ALMS1: variants seen among roughly 807,000 people sequenced by gnomAD.
The protein encoded by ALMS1 is centrosome-associated protein ALMS1.
In ALMS1, 271 loss-of-function variants were observed where a neutral mutation model predicts 352.2. That is an observed-to-expected ratio of 0.77 (90% CI 0.70 to 0.85). The LOEUF (loss-of-function observed/expected upper bound fraction) is 0.85, where lower values mean the gene tolerates loss of function less well. ALMS1 is among the 40% of genes least tolerant of loss of function. The probability of loss-of-function intolerance (pLI) is 0.00; values close to 1 mark genes in which losing one functional copy is unlikely to be tolerated. For missense variants in ALMS1, 5,445 were observed against 4,870.7 expected (o/e 1.12, Z -3.51); for synonymous variants, 1,865 against 1,761.2 (o/e 1.06, Z -1.48).
chr2:73,591,180 A>C (rs1460302098), intron 16 of ALMS1, among the ~76,000 whole-genome samples: 1 of 152,012 alleles, frequency 6.6e-6, no homozygotes, highest in Non-Finnish European at 1.5e-5. Context: ...GTATTTCTTT[A>C]TTTCTGTGTT....
At chr2:73,548,087 G>A (rs7597166) in intron 12 of ALMS1, among the ~76,000 whole-genome samples, 7,100 of 152,136 alleles carry the variant, frequency 0.047, 537 homozygotes, top group African/African-American at 0.16. Context: ...TGTCTGCTTT[G>A]GACATGTTAA....
At chr2:73,434,546 ATG>A (rs1470772612) in intron 7 of ALMS1, among the ~76,000 whole-genome samples, 10 of 152,196 alleles carry the variant, frequency 6.6e-5, no homozygotes, top group African/African-American at 2.4e-4. Flanking sequence ...CTTGAGAAGA[ATG>A]TGTATTCTGC....
At chr2:73,386,237 G>A in intron 1 of ALMS1, 45 bp downstream of exon 1, 1 of 1,463,994 alleles carries the variant, frequency 6.8e-7, no homozygotes, top group Middle Eastern at 2.2e-4. Context: ...CGAGTTGGGG[G>A]TGGAGGCTGG....
intron 10 of ALMS1, among the ~76,000 whole-genome samples, chr2:73,512,608 T>C (rs991890583): frequency 6.6e-6 from 1 of 152,182 alleles, no homozygotes; most frequent in Non-Finnish European, 1.5e-5. Flanking sequence ...ACAAATTCTT[T>C]ATTAGATTTC....
chr2:73,470,717 C>T (rs10186501), intron 9 of ALMS1: 58,074 of 151,610 alleles, frequency 0.38, 15,410 homozygotes, highest in African/African-American at 0.76. Context: ...ACATCTTCTA[C>T]TGTATTGCTA....
intron 16 of ALMS1, 116 bp downstream of exon 16, chr2:73,573,540 T>C: frequency 9.6e-7 from 1 of 1,043,168 alleles, no homozygotes; most frequent in Admixed American, 2.0e-5. Context: ...TCTATACCAT[T>C]TCTTACCAAC....
At chr2:73,412,169 C>T (rs570215923) in intron 2 of ALMS1, among the ~76,000 whole-genome samples, 25 of 152,292 alleles carry the variant, frequency 1.6e-4, no homozygotes, top group South Asian at 6.2e-4. Context: ...GTCATGCAGT[C>T]ACCACCACAT....
intron 15 of ALMS1, among the ~76,000 whole-genome samples, chr2:73,561,176 A>G (rs947463828): frequency 6.6e-6 from 1 of 152,268 alleles, no homozygotes; most frequent in Non-Finnish European, 1.5e-5. Flanking sequence ...CATAACCTTC[A>G]CTATGGTGCC....
chr2:73,601,119 A>G, intron 18 of ALMS1, 76 bp from the exon 19 acceptor site: 1 of 1,605,646 alleles, frequency 6.2e-7, no homozygotes. Flanking sequence ...TATTATATGC[A>G]TATCCTGGAT....
At chr2:73,589,565 A>G (rs1675380944) in intron 16 of ALMS1, among the ~76,000 whole-genome samples, 1 of 152,172 alleles carries the variant, frequency 6.6e-6, no homozygotes, top group South Asian at 2.1e-4. Flanking sequence ...CAAAATACAT[A>G]TTTTTTAAGT....
At position 73,526,154 on chromosome 2, in the gene ALMS1, A is replaced by G. The variant is rs575291075; in HGVS notation, c.9781+6138A>G. ...TGGTTTATGTGCCTGTTTTTAAGCC[A>G]GTACCATGATGTTTTGGTTATTATA... On this transcript the variant is annotated intron_variant, in intron 11 of 22. Coordinates refer to ENST00000613296, the MANE Select transcript of ALMS1 (RefSeq NM_001378454.1). Among the ~76,000 whole-genome samples the G allele has an allele frequency of 2.6e-5, 4 of 152,290 alleles. No homozygotes were observed. In the South Asian group the frequency reaches 8.3e-4, roughly 32 times the overall value.
chr2:73,488,126 C>T (rs1269727259), intron 9 of ALMS1, among the ~76,000 whole-genome samples: 1 of 152,210 alleles, frequency 6.6e-6, no homozygotes, highest in Non-Finnish European at 1.5e-5. Context: ...CTGCCCCTTT[C>T]TGCCCAGGAG....
chr2:73,479,982 ATTT>A (rs1370411206), intron 9 of ALMS1, among the ~76,000 whole-genome samples: 1 of 152,002 alleles, frequency 6.6e-6, no homozygotes, highest in Admixed American at 6.6e-5. Flanking sequence ...GATGTTGCAC[ATTT>A]TTTAATATTT....
intron 18 of ALMS1, 105 bp from the exon 19 acceptor site, chr2:73,601,090 T>G: frequency 6.4e-7 from 1 of 1,568,146 alleles, no homozygotes; most frequent in Non-Finnish European, 8.7e-7. Flanking sequence ...CTCTGACAGC[T>G]GAGACCCCTG....
chr2:73,599,358 T>C, intron 16 of ALMS1, 43 bp from the exon 17 acceptor site: 1 of 1,607,676 alleles, frequency 6.2e-7, no homozygotes, highest in Non-Finnish European at 8.5e-7. Flanking sequence ...AACTGTGACA[T>C]TGACTGCAGG....
In ALMS1 at chr2:73,452,826, A is replaced by T. The variant is rs373286582; in HGVS notation, c.6299A>T (p.Lys2100Ile). 150 of 1,613,762 alleles carry T rather than the reference A, an allele frequency of 9.3e-5. No homozygotes were observed. The highest frequency in any genetic ancestry group is 1.2e-4 in the Non-Finnish European group (145 of 1,179,994). Residue 2100 changes from lysine (K) to isoleucine (I), a missense_variant, in exon 8 of 23, where the codon AAA (lysine) becomes ATA (isoleucine). Coordinates refer to ENST00000613296, the MANE Select transcript of ALMS1 (RefSeq NM_001378454.1). ...SLSSSYFHRE[K>I]SNIFSPQELP... ...TCTAGTTCTTATTTTCACAGAGAGA[A>T]ATCGAATATTTTCAGTCCACAGGAA...
intron 9 of ALMS1, among the ~76,000 whole-genome samples, chr2:73,467,261 A>C (rs1357909686): frequency 6.6e-6 from 1 of 152,124 alleles, no homozygotes; most frequent in African/African-American, 2.4e-5. Flanking sequence ...ATAAATTCAG[A>C]ATATATAAGG....
At chr2:73,408,860 TTGTC>T in intron 2 of ALMS1, 113 bp downstream of exon 2, 5 of 833,598 alleles carry the variant, frequency 6.0e-6, no homozygotes, top group East Asian at 4.0e-5. Context: ...TTATGTTTTC[TTGTC>T]TTTTTTTTTT....
intron 13 of ALMS1, among the ~76,000 whole-genome samples, chr2:73,554,456 A>G (rs1674500598): frequency 6.6e-6 from 1 of 152,050 alleles, no homozygotes; most frequent in African/African-American, 2.4e-5. Flanking sequence ...CTGAAATCCC[A>G]GCAGTTTGGG....
Sources: gnomAD v4.1 joint callset for allele counts (sites outside exome capture counted in the v4.1 genomes callset) on GRCh38, gnomAD v4.1.1 for gene constraint, MANE v1.5 for transcripts, NCBI Gene and HGNC (gene_info 2026-07-23, HGNC 2026-07-21) for gene names.